ANKRD17: variants seen among roughly 807,000 people sequenced by gnomAD.
ANKRD17 encodes the protein ankyrin repeat domain 17, also known as ankyrin repeat domain-containing protein 17.
A neutral mutation model predicts 229.7 loss-of-function variants in ANKRD17; 19 were observed. The observed-to-expected ratio is 0.08, with a 90% confidence interval of 0.06 to 0.12. ANKRD17 has a LOEUF of 0.12. Ranked by LOEUF, ANKRD17 falls within the 10% of genes least tolerant of loss-of-function variation. The pLI, the probability that ANKRD17 is intolerant of heterozygous loss-of-function variation, is 1.00. For synonymous variants in ANKRD17, 1,112 were observed against 1,146.1 expected, an observed-to-expected ratio of 0.97 and a Z score of 0.60; for missense variants, 2,176 against 3,176.8, an observed-to-expected ratio of 0.68 and a Z score of 7.57.
rs367606824 is a variant in ANKRD17, at chr4:73,085,465, T to C, written c.6962-19A>G. On this transcript the variant is annotated intron_variant, in intron 29 of 33. Coordinates refer to ENST00000358602, the MANE Select transcript of ANKRD17 (RefSeq NM_032217.5). ...ACAATACCTATAATGTAGAAGGTCA[T>C]CATAATTTATAATAGTTACTCCTGC... is the stretch of plus-strand genomic sequence containing the variant. 3.3e-5 allele frequency: 53 copies of C among 1,594,754 alleles called. No homozygotes were observed. The African/African-American group carries it at 7.0e-4, about 21-fold the overall frequency.
At chr4:73,235,375 T>C (rs184879574) in intron 1 of ANKRD17, among the ~76,000 whole-genome samples, 39 of 152,310 alleles carry the variant, frequency 2.6e-4, no homozygotes, top group Non-Finnish European at 5.6e-4. Flanking sequence ...ACTAACACTA[T>C]TCAAGTTTAG....
At chr4:73,237,154 C>A (rs892143528) in intron 1 of ANKRD17, among the ~76,000 whole-genome samples, 1 of 152,110 alleles carries the variant, frequency 6.6e-6, no homozygotes, top group Non-Finnish European at 1.5e-5. Context: ...GGAAGACCTT[C>A]GTATTTGATT....
intron 1 of ANKRD17, among the ~76,000 whole-genome samples, chr4:73,221,010 C>A (rs1203143795): frequency 1.4e-4 from 22 of 152,042 alleles, no homozygotes; most frequent in Non-Finnish European, 1.5e-5. Flanking sequence ...CATTTATCTG[C>A]AAAGTTAGCA....
chr4:73,087,316 C>T (rs1250348832), intron 29 of ANKRD17, among the ~76,000 whole-genome samples: 6 of 151,978 alleles, frequency 3.9e-5, no homozygotes, highest in Non-Finnish European at 8.8e-5. Flanking sequence ...AATTTCTGGC[C>T]TCAAATGAGC....
intron 1 of ANKRD17, among the ~76,000 whole-genome samples, chr4:73,190,187 G>A (rs1736863126): frequency 6.6e-6 from 1 of 152,002 alleles, no homozygotes; most frequent in East Asian, 1.9e-4. Flanking sequence ...TGGCTAACAT[G>A]GCGAAATCTT....
chr4:73,201,035 C>T (rs1347469765), intron 1 of ANKRD17, among the ~76,000 whole-genome samples: 3 of 141,758 alleles, frequency 2.1e-5, no homozygotes, highest in Non-Finnish European at 4.6e-5. Context: ...GCATGTATTA[C>T]AATATAAATT....
Position 73,143,763 on chromosome 4 carries a change from C to T in ANKRD17, c.1957+982G>A, listed in dbSNP as rs556745491. On this transcript the variant is annotated intron_variant, in intron 11 of 33. Transcript: ENST00000358602. ...CCTACATCTTTTTTTTGTTTTGAGA[C>T]AGGTTCTCACTCTGTCACCCTGGCT... Among the ~76,000 whole-genome samples the T allele has an allele frequency of 2.1e-4, 32 of 152,082 alleles. No homozygotes were observed. In the South Asian group the frequency reaches 6.4e-3, roughly 31 times the overall value.
rs369461001 is a variant in ANKRD17 at position 73,161,245 on chromosome 4, A to C, written c.651T>G (p.Ala217=). 72 of 1,614,110 alleles carry C rather than the reference A, an allele frequency of 4.5e-5. No homozygotes were observed. Among genetic ancestry groups the C allele is most frequent in the Non-Finnish European group, 1.1e-5 (13 of 1,180,054 alleles). The change falls in exon 3 of 34, where the codon GCT becomes GCG. Residue 217 remains alanine (A), a synonymous_variant. Coordinates refer to ENST00000358602, the MANE Select transcript of ANKRD17 (RefSeq NM_032217.5). ...SVSCALDEAA[A]ALTRMRAEST... ...TTTCAGCTCTCATACGGGTAAGTGC[A>C]GCAGCAGCTTCATCCAACGCACAAC... is the stretch of plus-strand genomic sequence containing the variant.
chr4:73,085,000 G>A (rs4631009), intron 30 of ANKRD17, among the ~76,000 whole-genome samples: 123,950 of 152,034 alleles, frequency 0.82, 51,016 homozygotes, highest in East Asian at 0.87. Flanking sequence ...GGGCAACACA[G>A]TGAGAGCCTG....
chr4:73,155,331 G>A (rs889985561), intron 5 of ANKRD17, among the ~76,000 whole-genome samples: 3 of 152,086 alleles, frequency 2.0e-5, no homozygotes, highest in African/African-American at 7.2e-5. Flanking sequence ...TGGAAACATG[G>A]ATTTGAGCAC....
At position 73,097,236 on chromosome 4, in the gene ANKRD17, A is replaced by G. The variant is rs1323845667; in HGVS notation, c.5058T>C (p.Ser1686=). 1 of 1,603,272 alleles carries G rather than the reference A, an allele frequency of 6.2e-7. No homozygotes were observed. Among genetic ancestry groups the G allele is most frequent in the Non-Finnish European group, 8.5e-7 (1 of 1,175,964 alleles). Reference sequence around the variant, plus strand: ...GACCAGATTTTGTACAAGTAGATAGAGAATTACTGGTCCCTTCACTGATAG... The same window carrying G: ...GACCAGATTTTGTACAAGTAGATAGGGAATTACTGGTCCCTTCACTGATAG... The part of the protein sequence containing the change: ...SETISEGTSN[S]LSTCTKSGPS... Residue 1686 remains serine, a synonymous_variant, in exon 27 of 34, where the codon TCT becomes TCC. Transcript: ENST00000358602.
intron 14 of ANKRD17, 110 bp from the exon 15 acceptor site, chr4:73,140,393 T>C: frequency 5.4e-6 from 6 of 1,118,894 alleles, no homozygotes; most frequent in African/African-American, 1.6e-5. Flanking sequence ...ATCATATCCA[T>C]AACAGGTGAA....
At chr4:73,110,909 T>A (rs1294845424) in intron 24 of ANKRD17, among the ~76,000 whole-genome samples, 2 of 152,198 alleles carry the variant, frequency 1.3e-5, no homozygotes, top group East Asian at 3.8e-4. Context: ...ACAACGATAT[T>A]TAAAAGAAGC....
In ANKRD17 at chr4:73,075,943, C is replaced by G; in HGVS notation, c.*288G>C. 3.6e-6 allele frequency: 1 copy of G among 279,516 alleles called. No homozygotes were observed. The highest frequency in any genetic ancestry group is 6.7e-6 in the Non-Finnish European group (1 of 150,026). 17.3% of individuals were successfully genotyped at this position (279,516 alleles called of 1,614,324 possible). A position where few individuals can be genotyped will look rare whatever the true frequency, so the allele number is the denominator to read the frequency against. ...AGCAGTTTACAGTACTAAAACCAAC[C>G]AGCCAAAGAACAGCTTCAACAGAAA... On this transcript the variant is annotated 3_prime_UTR_variant, in exon 34 of 34. Coordinates refer to ENST00000358602, the MANE Select transcript of ANKRD17 (RefSeq NM_032217.5).
chr4:73,160,350 C>A (rs185973409), intron 3 of ANKRD17, among the ~76,000 whole-genome samples: 1 of 151,574 alleles, frequency 6.6e-6, no homozygotes, highest in Non-Finnish European at 1.5e-5. Context: ...TCCCGAGTAG[C>A]GGGGATTGCA....
At chr4:73,122,032 G>A (rs1726806448) in intron 18 of ANKRD17, among the ~76,000 whole-genome samples, 1 of 152,204 alleles carries the variant, frequency 6.6e-6, no homozygotes, top group South Asian at 2.1e-4. Flanking sequence ...ACATGCTTTG[G>A]AAATTAATAT....
intron 2 of ANKRD17, among the ~76,000 whole-genome samples, chr4:73,175,312 C>G (rs1734584039): frequency 6.6e-6 from 1 of 152,116 alleles, no homozygotes; most frequent in Non-Finnish European, 1.5e-5. Context: ...AACCCATTCA[C>G]TATTACAAGA....
intron 29 of ANKRD17, among the ~76,000 whole-genome samples, chr4:73,087,255 T>A (rs1320218871): frequency 6.6e-6 from 1 of 151,720 alleles, no homozygotes; most frequent in Admixed American, 6.6e-5. Flanking sequence ...CCAGCTTTTT[T>A]ATTTATTTTT....
chr4:73,211,707 C>A (rs1022491559), intron 1 of ANKRD17, among the ~76,000 whole-genome samples: 1 of 151,652 alleles, frequency 6.6e-6, no homozygotes, highest in East Asian at 1.9e-4. Flanking sequence ...ATTAGCTGGG[C>A]GTGGTGGCAG....
Sources: gnomAD v4.1 joint callset for allele counts (sites outside exome capture counted in the v4.1 genomes callset) on GRCh38, gnomAD v4.1.1 for gene constraint, MANE v1.5 for transcripts, NCBI Gene and HGNC (gene_info 2026-07-23, HGNC 2026-07-21) for gene names.